CAMK2B: variants seen among roughly 807,000 people sequenced by gnomAD.
The protein encoded by CAMK2B is calcium/calmodulin dependent protein kinase II beta, also known as calcium/calmodulin-dependent protein kinase type II subunit beta.
Under a neutral mutation model 93.7 loss-of-function variants are expected in CAMK2B, and 27 were observed. The ratio of observed to expected loss-of-function variants is 0.29; its 90% CI spans 0.21 to 0.40. The LOEUF is 0.40. CAMK2B is among the 10% of genes least tolerant of loss of function. The probability of loss-of-function intolerance (pLI) is 1.00; values close to 1 mark genes in which losing one functional copy is unlikely to be tolerated. For synonymous variants in CAMK2B, 374 were observed against 358.8 expected, an observed-to-expected ratio of 1.04 and a Z score of -0.48; for missense variants, 568 against 895.8, an observed-to-expected ratio of 0.63 and a Z score of 4.67.
intron 13 of CAMK2B, 132 bp downstream of exon 13, chr7:44,239,457 A>T: frequency 1.4e-6 from 1 of 733,838 alleles, no homozygotes; most frequent in Non-Finnish European, 2.3e-6. Context: ...ACACGGGAGC[A>T]GGGGCTCCCG....
chr7:44,306,953 G>A (rs1584835458), intron 1 of CAMK2B, among the ~76,000 whole-genome samples: 1 of 106,570 alleles, frequency 9.4e-6, no homozygotes, highest in Non-Finnish European at 1.9e-5. Context: ...GGGGTGAGTA[G>A]GGGGAGGAGG....
At chr7:44,263,173 A>C in intron 2 of CAMK2B, 109 bp from the exon 3 acceptor site, 1 of 1,021,502 alleles carries the variant, frequency 9.8e-7, no homozygotes, top group South Asian at 1.5e-5. Flanking sequence ...CTCTGACGAG[A>C]GGAGTGGTTG....
intron 1 of CAMK2B, among the ~76,000 whole-genome samples, chr7:44,317,620 A>AT (rs1466321847): frequency 6.8e-6 from 1 of 147,696 alleles, no homozygotes; most frequent in African/African-American, 2.5e-5. Flanking sequence ...AAATAAATAT[A>AT]TTTTTAAAGT....
chr7:44,263,074 A>C lies in CAMK2B; in HGVS notation c.161-10T>G. 1.9e-6 allele frequency: 3 copies of C among 1,613,100 alleles called. No individual in the cohort carries two copies. Among genetic ancestry groups the C allele is most frequent in the Non-Finnish European group, 2.5e-6 (3 of 1,179,454 alleles). The stretch of plus-strand genomic sequence containing the variant: ...TCCAGCTTCTGGTGATCTGGGGGAC[A>C]GGAAAAACAAGGCGTCACCTCCTGC... On this transcript the variant is annotated splice_polypyrimidine_tract_variant and intron_variant, in intron 2 of 23. Coordinates refer to ENST00000395749, the MANE Select transcript of CAMK2B (RefSeq NM_001220.5).
intron 1 of CAMK2B, among the ~76,000 whole-genome samples, chr7:44,297,305 G>A (rs983854710): frequency 1.4e-5 from 2 of 144,226 alleles, no homozygotes; most frequent in African/African-American, 4.9e-5. Context: ...GAAAGAGAGG[G>A]AAAAGAAGAA....
chr7:44,243,650 G>A (rs2096703612), intron 6 of CAMK2B, 123 bp from the exon 7 acceptor site: 1 of 726,006 alleles, frequency 1.4e-6, no homozygotes, highest in South Asian at 1.7e-5. Context: ...GCACAGGTCT[G>A]AGCCCTGCCC....
chr7:44,275,474 G>A (rs1584489824), intron 2 of CAMK2B, among the ~76,000 whole-genome samples: 1 of 152,222 alleles, frequency 6.6e-6, no homozygotes, highest in Admixed American at 6.5e-5. Flanking sequence ...AACCAATTCA[G>A]TTTCCAAAGT....
chr7:44,259,046 G>A (rs1040675796), intron 3 of CAMK2B, 120 bp from the exon 4 acceptor site: 57 of 883,236 alleles, frequency 6.5e-5, no homozygotes, highest in Middle Eastern at 2.5e-4. Flanking sequence ...CCAGAGGATC[G>A]GGCTGGGTAG....
intron 1 of CAMK2B, among the ~76,000 whole-genome samples, chr7:44,315,351 G>C (rs988659734): frequency 2.0e-5 from 3 of 152,154 alleles, no homozygotes; most frequent in African/African-American, 4.8e-5. Context: ...CACTGGAATT[G>C]TCTTGGCACC....
chr7:44,243,843 G>A (rs906417086), intron 6 of CAMK2B, among the ~76,000 whole-genome samples: 3 of 152,150 alleles, frequency 2.0e-5, no homozygotes, highest in African/African-American at 7.2e-5. Flanking sequence ...GGGCTAGTTG[G>A]ACCAAAACCT....
chr7:44,286,559 G>A lies in CAMK2B; in HGVS notation c.66-2334C>T, dbSNP rs777036575. Among the ~76,000 whole-genome samples, 4 of 152,306 alleles carry A rather than the reference G, an allele frequency of 2.6e-5. No homozygotes were observed. The highest frequency in any genetic ancestry group is 3.9e-4 in the East Asian group (2 of 5,180). ...TCAGACAGGTACCGGAGCAGAGGGCGGCAAGCCACAGCTGTTCCTCAGCAC... is the reference window on the plus strand; with the variant it reads ...TCAGACAGGTACCGGAGCAGAGGGCAGCAAGCCACAGCTGTTCCTCAGCAC... On this transcript the variant is annotated intron_variant, in intron 1 of 23. Coordinates refer to ENST00000395749, the MANE Select transcript of CAMK2B (RefSeq NM_001220.5). This position sits in a 1 kb window ranked among gnomAD's most constrained non-coding sequence, Gnocchi z 4.0.
At chr7:44,281,273 C>T (rs1051514917) in intron 2 of CAMK2B, among the ~76,000 whole-genome samples, 6 of 152,230 alleles carry the variant, frequency 3.9e-5, no homozygotes, top group African/African-American at 4.8e-5. Context: ...CAGGGTCCAG[C>T]GGGGCCACCA....
intron 5 of CAMK2B, among the ~76,000 whole-genome samples, chr7:44,247,485 T>C (rs1270015782): frequency 1.3e-5 from 2 of 152,162 alleles, no homozygotes; most frequent in Non-Finnish European, 2.9e-5. Context: ...CAGGCTCCTG[T>C]TGGCCAAGCT....
At chr7:44,288,700 A>G (rs116145538) in intron 1 of CAMK2B, among the ~76,000 whole-genome samples, 1,786 of 152,294 alleles carry the variant, frequency 0.012, 36 homozygotes, top group African/African-American at 0.041. Flanking sequence ...TGTCTCATTT[A>G]CAGTGGGATC....
In CAMK2B at chr7:44,253,144, TA is replaced by T. The variant is rs565987131; in HGVS notation, c.341+1397del. On this transcript the variant is annotated intron_variant, in intron 5 of 23. Transcript: ENST00000395749. ...GTCACATCAAACTACTTCTGCTACTTAAAAAAAAATTCATTTTTCTGGATCA... is the reference window on the plus strand; with the variant it reads ...GTCACATCAAACTACTTCTGCTACTTAAAAAAAATTCATTTTTCTGGATCA... Among the ~76,000 whole-genome samples the T allele has an allele frequency of 4.4e-4, 66 of 150,828 alleles. 1 individual carries two copies. In the East Asian group the frequency reaches 9.7e-3, roughly 22 times the overall value.
At chr7:44,323,418 T>C (rs138437280) in intron 1 of CAMK2B, among the ~76,000 whole-genome samples, 1 of 152,314 alleles carries the variant, frequency 6.6e-6, no homozygotes, top group African/African-American at 2.4e-5. Context: ...CCCCACCTGG[T>C]CTCCACCTCT....
intron 1 of CAMK2B, among the ~76,000 whole-genome samples, chr7:44,310,984 G>T (rs926917183): frequency 3.9e-5 from 6 of 152,158 alleles, no homozygotes; most frequent in Non-Finnish European, 4.4e-5. Flanking sequence ...ACCTGGTATG[G>T]TATGTAGCCG....
intron 2 of CAMK2B, among the ~76,000 whole-genome samples, chr7:44,283,516 G>A (rs1420024946): frequency 2.6e-5 from 4 of 152,230 alleles, no homozygotes; most frequent in Non-Finnish European, 4.4e-5. Flanking sequence ...CACCCTGCAC[G>A]TCTGAGAAGC....
At chr7:44,246,977 T>C (rs1465506706) in intron 6 of CAMK2B, 143 bp downstream of exon 6, 6 of 664,386 alleles carry the variant, frequency 9.0e-6, no homozygotes, top group African/African-American at 3.6e-5. Flanking sequence ...CCTCCATGCA[T>C]GCACACAAGG....
Sources: allele counts gnomAD v4.1 joint callset (sites outside exome capture counted in the v4.1 genomes callset), GRCh38; gene constraint gnomAD v4.1.1; non-coding constraint Gnocchi (gnomAD v3.1); transcripts MANE v1.5; gene names NCBI Gene and HGNC (gene_info 2026-07-23, HGNC 2026-07-21).